Variants in SV2C observed in about 807,000 individuals in gnomAD.
The protein encoded by SV2C is synaptic vesicle glycoprotein 2C, also known as solute carrier family 22 member B3.
In SV2C, 49 loss-of-function variants were observed where a neutral mutation model predicts 79.7. The ratio of observed to expected loss-of-function variants is 0.61; its 90% confidence interval spans 0.49 to 0.78. The LOEUF (loss-of-function observed/expected upper bound fraction) is 0.78, where lower values mean the gene tolerates loss of function less well. SV2C is among the 30% of genes least tolerant of loss of function. SV2C has a pLI of 0.00. For synonymous variants in SV2C, 334 were observed against 333.2 expected, an observed-to-expected ratio of 1.00 and a Z score of -0.03; for missense variants, 833 against 912.9, an observed-to-expected ratio of 0.91 and a Z score of 1.13.
chr5:75,990,545 C>T, the SV2C span, among the ~76,000 whole-genome samples: 5 of 151,950 alleles, frequency 3.3e-5, no homozygotes, highest in East Asian at 9.7e-4. Context: ...TACTTTTTCT[C>T]TCTTACAGGT....
the SV2C span, among the ~76,000 whole-genome samples, chr5:75,960,534 T>C: frequency 6.6e-6 from 1 of 152,020 alleles, no homozygotes; most frequent in Admixed American, 6.6e-5. Flanking sequence ...AGTAACCTAA[T>C]GTACAGATTT....
At chr5:76,077,465 A>T in the SV2C span, among the ~76,000 whole-genome samples, 1 of 152,256 alleles carries the variant, frequency 6.6e-6, no homozygotes, top group African/African-American at 2.4e-5. Context: ...ACTAATTTTT[A>T]AAAACATAAA....
chr5:76,177,615 C>T lies in SV2C; in HGVS notation c.581-17304C>T, dbSNP rs190592453. Among the ~76,000 whole-genome samples, 3 of 152,312 alleles carry T rather than the reference C, an allele frequency of 2.0e-5. No individual in the cohort carries two copies. The East Asian group carries it at 5.8e-4, about 29-fold the overall frequency. Reference sequence around the variant, plus strand: ...ACTGAAACCACTGAAGGCAAAACCGCAGATAAGGGGGAACTACTGTATGCT... The same window carrying T: ...ACTGAAACCACTGAAGGCAAAACCGTAGATAAGGGGGAACTACTGTATGCT... On this transcript the variant is annotated intron_variant, in intron 2 of 12. Transcript: ENST00000502798.
chr5:76,141,655 C>G (rs1022032154), intron 2 of SV2C, among the ~76,000 whole-genome samples: 3 of 151,644 alleles, frequency 2.0e-5, no homozygotes, highest in Non-Finnish European at 2.9e-5. Flanking sequence ...GAAACCCCAT[C>G]TCTACTAAAA....
At chr5:76,245,990 G>GT (rs572759985) in intron 4 of SV2C, among the ~76,000 whole-genome samples, 6 of 149,128 alleles carry the variant, frequency 4.0e-5, no homozygotes, top group Non-Finnish European at 7.4e-5. Context: ...GATATAGAAG[G>GT]TTTTTTTTCC....
At chr5:75,977,502 A>C in the SV2C span, among the ~76,000 whole-genome samples, 4 of 152,200 alleles carry the variant, frequency 2.6e-5, no homozygotes, top group Non-Finnish European at 5.9e-5. Flanking sequence ...TTCATTAATC[A>C]CTATTAAAAG....
chr5:76,015,829 G>T, the SV2C span, among the ~76,000 whole-genome samples: 1 of 152,006 alleles, frequency 6.6e-6, no homozygotes, highest in African/African-American at 2.4e-5. Flanking sequence ...CTTTTACAGA[G>T]AAGCTAGAGA....
At position 76,131,802 on chromosome 5, in the gene SV2C, A is replaced by C. The variant is rs143998842; in HGVS notation, c.52A>C (p.Ile18Leu). 243 of 1,614,056 alleles carry C rather than the reference A, an allele frequency of 1.5e-4. No individual in the cohort carries two copies. The African/African-American group carries it at 2.8e-3, about 18-fold the overall frequency. Residue 18 changes from isoleucine to leucine, a missense_variant, in exon 2 of 13, where the codon ATT becomes CTT. Transcript: ENST00000502798. ...RTSLMKGAKD[I>L]AREVKKQTVK... ...TTCACTGATGAAGGGTGCCAAGGAC[A>C]TTGCCAGAGAGGTGAAGAAACAAAC...
intron 1 of SV2C, among the ~76,000 whole-genome samples, chr5:76,084,687 G>C (rs1381943575): frequency 6.6e-6 from 1 of 151,694 alleles, no homozygotes; most frequent in Non-Finnish European, 1.5e-5. Flanking sequence ...AGACCCGCGA[G>C]GGGCGGGCGG....
intron 2 of SV2C, among the ~76,000 whole-genome samples, chr5:76,159,676 C>T (rs1176482276): frequency 1.3e-5 from 2 of 152,006 alleles, no homozygotes; most frequent in African/African-American, 2.4e-5. Context: ...ATATGACTGT[C>T]TTCATCCTTC....
chr5:76,031,570 A>G, the SV2C span, among the ~76,000 whole-genome samples: 1 of 152,186 alleles, frequency 6.6e-6, no homozygotes, highest in Non-Finnish European at 1.5e-5. Context: ...GCACTTCCTG[A>G]TGGAGGTGCT....
chr5:75,874,882 A>G, the SV2C span, among the ~76,000 whole-genome samples: 3 of 152,194 alleles, frequency 2.0e-5, no homozygotes, highest in South Asian at 2.1e-4. Flanking sequence ...TGGGAATTAT[A>G]AAATGCTGCT....
At position 76,255,524 on chromosome 5, in the gene SV2C, C is replaced by G. The variant is rs562150114; in HGVS notation, c.914-29638C>G. On this transcript the variant is annotated intron_variant, in intron 4 of 12. Coordinates refer to ENST00000502798, the MANE Select transcript of SV2C (RefSeq NM_014979.4). ...GGAATGTATCACATTTCCTTCTTAA[C>G]TGTGGCCCTAGAGTGGTCCTTTGGC... 2.0e-4 allele frequency among the ~76,000 whole-genome samples: 30 copies of G among 152,324 alleles called. 1 individual carries two copies. In the South Asian group the frequency reaches 6.2e-3, roughly 32 times the overall value.
At chr5:75,951,921 G>C in the SV2C span, among the ~76,000 whole-genome samples, 1 of 151,926 alleles carries the variant, frequency 6.6e-6, no homozygotes, top group Non-Finnish European at 1.5e-5. Context: ...AGAAACTTGT[G>C]ATACAGCAAA....
the SV2C span, among the ~76,000 whole-genome samples, chr5:75,917,035 C>T: frequency 6.6e-6 from 1 of 152,214 alleles, no homozygotes; most frequent in South Asian, 2.1e-4. Context: ...TAGTTGCCAA[C>T]AACAGGACTT....
At chr5:76,057,309 A>G in the SV2C span, among the ~76,000 whole-genome samples, 2 of 151,948 alleles carry the variant, frequency 1.3e-5, no homozygotes, top group African/African-American at 4.8e-5. Flanking sequence ...TACATGTGCT[A>G]TGTTGGTGTG....
At chr5:76,140,149 T>G (rs969604946) in intron 2 of SV2C, among the ~76,000 whole-genome samples, 2 of 152,144 alleles carry the variant, frequency 1.3e-5, no homozygotes, top group Non-Finnish European at 2.9e-5. Context: ...GAGTGTTCAC[T>G]CAACCAAAAT....
At chr5:75,902,188 G>C in the SV2C span, among the ~76,000 whole-genome samples, 1 of 152,194 alleles carries the variant, frequency 6.6e-6, no homozygotes, top group Non-Finnish European at 1.5e-5. Flanking sequence ...TGTCGCTCAC[G>C]CTGGGAGCTG....
chr5:75,940,900 C>T, the SV2C span, among the ~76,000 whole-genome samples: 1 of 152,194 alleles, frequency 6.6e-6, no homozygotes, highest in East Asian at 1.9e-4. Flanking sequence ...GCTTGCTTCA[C>T]CACTTGCCTA....
Sources: allele counts gnomAD v4.1 joint callset (sites outside exome capture counted in the v4.1 genomes callset), GRCh38; gene constraint gnomAD v4.1.1; transcripts MANE v1.5; gene names NCBI Gene and HGNC (gene_info 2026-07-23, HGNC 2026-07-21).